ALPK2: variants seen among roughly 807,000 people sequenced by gnomAD.
The protein encoded by ALPK2 is alpha kinase 2.
In ALPK2, 127 loss-of-function variants were observed where a neutral mutation model predicts 163.1. That is an observed-to-expected ratio of 0.78 (90% CI 0.67 to 0.90). The LOEUF (loss-of-function observed/expected upper bound fraction) is 0.90, where lower values mean the gene tolerates loss of function less well. Among genes scored for constraint, ALPK2 ranks in the 40% least tolerant of loss-of-function variants. The pLI, the probability that ALPK2 is intolerant of heterozygous loss-of-function variation, is 0.00. For missense variants in ALPK2, 2,360 were observed against 2,589.6 expected (o/e 0.91, Z 1.92); for synonymous variants, 953 against 959.1 (o/e 0.99, Z 0.12).
chr18:58,577,451 C>T (rs1186531717), intron 4 of ALPK2, among the ~76,000 whole-genome samples: 4 of 152,156 alleles, frequency 2.6e-5, no homozygotes, highest in Non-Finnish European at 4.4e-5. Flanking sequence ...TAGCTGAGCA[C>T]GGAAGAGCAT....
intron 4 of ALPK2, among the ~76,000 whole-genome samples, chr18:58,539,770 C>A (rs993661492): frequency 4.6e-5 from 7 of 152,176 alleles, no homozygotes; most frequent in African/African-American, 1.7e-4. Flanking sequence ...ATAAATCATA[C>A]ATGACAGTCA....
intron 2 of ALPK2, among the ~76,000 whole-genome samples, chr18:58,609,609 T>A (rs899629604): frequency 6.6e-6 from 1 of 152,184 alleles, no homozygotes. Context: ...ACTGTTTTTT[T>A]CCCCTGTGCA....
At chr18:58,544,387 G>A (rs2051706834) in intron 4 of ALPK2, 1 of 152,146 alleles carries the variant, frequency 6.6e-6, no homozygotes, top group South Asian at 2.1e-4. Flanking sequence ...GATGTTCAAG[G>A]TTATGCTTTT....
At chr18:58,530,724 T>C (rs1338327311) in intron 5 of ALPK2, among the ~76,000 whole-genome samples, 1 of 152,116 alleles carries the variant, frequency 6.6e-6, no homozygotes. Flanking sequence ...GGCTTTGGGC[T>C]TTGGATAGGA....
intron 1 of ALPK2, among the ~76,000 whole-genome samples, chr18:58,619,537 C>T (rs1229474441): frequency 6.6e-6 from 1 of 152,172 alleles, no homozygotes; most frequent in African/African-American, 2.4e-5. Flanking sequence ...ACTGTTGTCT[C>T]CAATCCTAAT....
intron 1 of ALPK2, among the ~76,000 whole-genome samples, chr18:58,623,348 T>G (rs2052212330): frequency 6.6e-6 from 1 of 150,670 alleles, no homozygotes; most frequent in African/African-American, 2.5e-5. Context: ...TACAGAAGAT[T>G]TTTAATGGTT....
intron 1 of ALPK2, among the ~76,000 whole-genome samples, chr18:58,613,944 G>T (rs1029424023): frequency 2.0e-5 from 3 of 152,116 alleles, no homozygotes; most frequent in Non-Finnish European, 4.4e-5. Context: ...GTTCTGTTTA[G>T]AAATATGGTG....
chr18:58,524,919 C>G (rs913645884), intron 6 of ALPK2, among the ~76,000 whole-genome samples: 1 of 145,310 alleles, frequency 6.9e-6, no homozygotes. Context: ...CATATTTATT[C>G]CAAAGTCTCA....
At chr18:58,539,675 T>A (rs1189652067) in intron 4 of ALPK2, among the ~76,000 whole-genome samples, 1 of 152,192 alleles carries the variant, frequency 6.6e-6, no homozygotes, top group Non-Finnish European at 1.5e-5. Flanking sequence ...GGGGTGGGGA[T>A]GAAGTCTGTC....
At chr18:58,614,562 C>T (rs543209229) in intron 1 of ALPK2, among the ~76,000 whole-genome samples, 5 of 152,234 alleles carry the variant, frequency 3.3e-5, no homozygotes, top group Admixed American at 2.0e-4. Context: ...GATTAGGTTA[C>T]GGGTACATTT....
In ALPK2 at chr18:58,534,772, G is replaced by T; in HGVS notation, c.5353+62C>A. ...TTGCAAAGGACCCTCGAGGACACAG[G>T]AACTGGATACCTGGTCTACAAGCCC... is the stretch of plus-strand genomic sequence containing the variant. On this transcript the variant is annotated intron_variant, in intron 5 of 12. Coordinates refer to ENST00000361673, the MANE Select transcript of ALPK2 (RefSeq NM_052947.4). 7.2e-6 allele frequency: 11 copies of T among 1,532,072 alleles called. No homozygotes were observed. In the South Asian group the frequency reaches 1.3e-4, roughly 18 times the overall value. The allele number at this position is 1,532,072 out of a possible 1,614,324, so 94.9% of individuals were successfully genotyped here. A position where few individuals can be genotyped will look rare whatever the true frequency, so the allele number is the denominator to read the frequency against.
chr18:58,543,292 T>C, intron 4 of ALPK2: 1 of 884,410 alleles, frequency 1.1e-6, no homozygotes, highest in Non-Finnish European at 1.4e-6. Context: ...CTTTATAAAT[T>C]TCCCAGTTTC....
chr18:58,546,464 A>G (rs1317339840), intron 4 of ALPK2, among the ~76,000 whole-genome samples: 1 of 152,194 alleles, frequency 6.6e-6, no homozygotes, highest in Non-Finnish European at 1.5e-5. Flanking sequence ...ATATGAATTT[A>G]TTGTACATCT....
chr18:58,571,335 A>G (rs558115640), intron 4 of ALPK2, among the ~76,000 whole-genome samples: 1 of 151,686 alleles, frequency 6.6e-6, no homozygotes, highest in African/African-American at 2.4e-5. Context: ...TTGAGAACTT[A>G]CTGGGTGCCT....
rs1181272050 is a variant in ALPK2, at chr18:58,538,080, A to T, written c.2107T>A (p.Ser703Thr). The change falls in exon 5 of 13, where the codon TCA (serine) becomes ACA (threonine). Residue 703 changes from serine to threonine, a missense_variant. Coordinates refer to ENST00000361673, the MANE Select transcript of ALPK2 (RefSeq NM_052947.4). ...TTGACCTCCGAGTGTTGAGCTAATG[A>T]TGCATTTTCCTTGTGGACCCCTCCT... is the stretch of plus-strand genomic sequence containing the variant. ...NLGGVHKENA[S>T]LAQHSEVKPC... The T allele has an allele frequency of 2.5e-6, 4 of 1,614,126 alleles. No homozygotes were observed. The Admixed American group carries it at 5.0e-5, about 20-fold the overall frequency.
chr18:58,507,629 C>T (rs1252252096), intron 10 of ALPK2, among the ~76,000 whole-genome samples: 3 of 152,128 alleles, frequency 2.0e-5, no homozygotes, highest in Admixed American at 6.5e-5. Context: ...AAGGAAAGCT[C>T]GAGCTGGGAC....
chr18:58,515,009 A>T lies in ALPK2; in HGVS notation c.6013T>A (p.Phe2005Ile). 1 of 1,612,706 alleles carries T rather than the reference A, an allele frequency of 6.2e-7. No individual in the cohort carries two copies. The highest frequency in any genetic ancestry group is 8.5e-7 in the Non-Finnish European group (1 of 1,179,274). ...CACACTTACTCAGGTACTTCTCCAA[A>T]GCCTTCCAGAGGCTGTGCTTCAGCA... ...YAAEAQPLEG[F>I]GEVPEIIPIF... Residue 2005 changes from phenylalanine to isoleucine, a missense_variant, in exon 10 of 13, where the codon TTT (phenylalanine) becomes ATT (isoleucine). By Grantham distance (21) the Phe-to-Ile change is conservative. Coordinates refer to ENST00000361673, the MANE Select transcript of ALPK2 (RefSeq NM_052947.4).
intron 1 of ALPK2, among the ~76,000 whole-genome samples, chr18:58,624,602 G>A (rs1453761270): frequency 1.3e-5 from 2 of 152,166 alleles, no homozygotes; most frequent in East Asian, 1.9e-4. Context: ...TTACAGGCGT[G>A]TGCCAGCATG....
At chr18:58,510,712 T>C (rs1398816581) in intron 10 of ALPK2, among the ~76,000 whole-genome samples, 1 of 152,256 alleles carries the variant, frequency 6.6e-6, no homozygotes, top group Non-Finnish European at 1.5e-5. Context: ...ATAAGAATGC[T>C]TGTGATTTTT....
Sources: gnomAD v4.1 joint callset for allele counts (sites outside exome capture counted in the v4.1 genomes callset) on GRCh38, gnomAD v4.1.1 for gene constraint, MANE v1.5 for transcripts, NCBI Gene and HGNC (gene_info 2026-07-23, HGNC 2026-07-21) for gene names.